Variants in BRINP3 observed in about 807,000 individuals in gnomAD.
The protein encoded by BRINP3 is BMP/retinoic acid-inducible neural-specific protein 3.
BRINP3 carries 19 observed loss-of-function variants against 71.0 expected under a neutral mutation model. That is an observed-to-expected ratio of 0.27 (90% CI 0.19 to 0.39). BRINP3 has a LOEUF of 0.39. Ranked by LOEUF, BRINP3 falls within the 10% of genes least tolerant of loss-of-function variation. BRINP3 has a pLI of 1.00. For synonymous variants in BRINP3, 380 were observed against 337.7 expected, an observed-to-expected ratio of 1.13 and a Z score of -1.37; for missense variants, 959 against 940.8, an observed-to-expected ratio of 1.02 and a Z score of -0.25.
chr1:190,151,141 A>C (rs779861611), intron 7 of BRINP3, among the ~76,000 whole-genome samples: 2 of 152,114 alleles, frequency 1.3e-5, no homozygotes, highest in South Asian at 4.1e-4. Context: ...AGCAAGACTC[A>C]GTCTCAAAAA....
At chr1:190,158,032 T>G (rs545378838) in intron 7 of BRINP3, among the ~76,000 whole-genome samples, 40 of 152,220 alleles carry the variant, frequency 2.6e-4, no homozygotes, top group Non-Finnish European at 4.7e-4. Flanking sequence ...AATTAATGTG[T>G]GTACTTATTT....
At chr1:190,352,839 T>TTCTCTC (rs35659970) in intron 2 of BRINP3, among the ~76,000 whole-genome samples, 13 of 146,384 alleles carry the variant, frequency 8.9e-5, no homozygotes, top group East Asian at 2.0e-4. Context: ...GCAACAGATA[T>TTCTCTC]TCTCTCTCTC....
intron 7 of BRINP3, among the ~76,000 whole-genome samples, chr1:190,099,395 T>A (rs1295786575): frequency 6.6e-6 from 1 of 152,126 alleles, no homozygotes; most frequent in African/African-American, 2.4e-5. Flanking sequence ...TGGTCTGAAC[T>A]GCAATACATT....
intron 2 of BRINP3, among the ~76,000 whole-genome samples, chr1:190,292,153 C>T (rs1208014035): frequency 6.6e-6 from 1 of 151,900 alleles, no homozygotes; most frequent in East Asian, 1.9e-4. Context: ...GGATATGGAG[C>T]CATGGGAGGG....
intron 2 of BRINP3, among the ~76,000 whole-genome samples, chr1:190,317,075 G>A (rs1247687537): frequency 6.7e-6 from 1 of 149,154 alleles, no homozygotes; most frequent in African/African-American, 2.5e-5. Context: ...GGGAGGCTGA[G>A]ATGGGAGAAT....
rs1277427045 is a variant in BRINP3 at position 190,412,451 on chromosome 1, GTTTTGTTTTT to G, written c.236+42194_236+42203del. On this transcript the variant is annotated intron_variant, in intron 2 of 7. Coordinates refer to ENST00000367462, the MANE Select transcript of BRINP3 (RefSeq NM_199051.3). ...TACTATGTAGTACTTTTTTTGTTTT[GTTTTGTTTTT>G]TTTTGTTTTTTTTTTTTTTGAGACG... Among the ~76,000 whole-genome samples the G allele has an allele frequency of 2.2e-4, 28 of 126,192 alleles. No homozygotes were observed. In the East Asian group the frequency reaches 2.7e-3, roughly 12 times the overall value. 82.8% of individuals were successfully genotyped at this position (126,192 alleles called of 152,430 possible). A position where few individuals can be genotyped will look rare whatever the true frequency, so the allele number is the denominator to read the frequency against.
rs397862994 is a variant in BRINP3 at position 190,317,171 on chromosome 1, C to CA, written c.237-35422dup. 2.6e-3 allele frequency among the ~76,000 whole-genome samples: 197 copies of CA among 77,140 alleles called. 1 individual carries two copies. Among genetic ancestry groups the CA allele is most frequent in the African/African-American group, 8.1e-3 (178 of 22,056 alleles). 50.6% of individuals were successfully genotyped at this position (77,140 alleles called of 152,430 possible). On this transcript the variant is annotated intron_variant, in intron 2 of 7. Transcript: ENST00000367462. ...TGGGTGGCTGAGCGAGAGTCCATCT[C>CA]AAAAAAAAAAAAAAAAAAAAAGTCT... is the stretch of plus-strand genomic sequence containing the variant.
At chr1:190,330,024 T>A (rs531637757) in intron 2 of BRINP3, among the ~76,000 whole-genome samples, 15 of 151,906 alleles carry the variant, frequency 9.9e-5, no homozygotes, top group African/African-American at 3.6e-4. Context: ...TCTAAAACTA[T>A]AAGAATCCTT....
chr1:190,372,914 T>G (rs1669953530), intron 2 of BRINP3, among the ~76,000 whole-genome samples: 1 of 152,086 alleles, frequency 6.6e-6, no homozygotes, highest in African/African-American at 2.4e-5. Flanking sequence ...AAATAAAATA[T>G]TAGAGAATAA....
chr1:190,264,813 T>G (rs964197385), intron 4 of BRINP3, 52 bp downstream of exon 4: 1 of 1,491,618 alleles, frequency 6.7e-7, no homozygotes, highest in Non-Finnish European at 9.2e-7. Context: ...CTTTTGGATA[T>G]AGAGGAAACA....
intron 2 of BRINP3, among the ~76,000 whole-genome samples, chr1:190,393,076 C>G (rs537425940): frequency 6.6e-6 from 1 of 151,524 alleles, no homozygotes; most frequent in African/African-American, 2.4e-5. Context: ...ATATTAAGGG[C>G]ATGTATCTAG....
intron 7 of BRINP3, among the ~76,000 whole-genome samples, chr1:190,155,040 G>A (rs1045266260): frequency 3.3e-5 from 5 of 152,088 alleles, no homozygotes; most frequent in Non-Finnish European, 7.4e-5. Context: ...TTTCTAAAAT[G>A]TAAAGGCTTT....
intron 2 of BRINP3, among the ~76,000 whole-genome samples, chr1:190,315,211 A>G (rs1665800943): frequency 6.6e-6 from 1 of 152,136 alleles, no homozygotes; most frequent in South Asian, 2.1e-4. Flanking sequence ...TATACAGGAA[A>G]CAGGGAGGAC....
intron 1 of BRINP3, among the ~76,000 whole-genome samples, chr1:190,462,292 A>T (rs1411891078): frequency 6.6e-6 from 1 of 152,166 alleles, no homozygotes; most frequent in African/African-American, 2.4e-5. Context: ...CTTTGGACAT[A>T]ACAATAAGAG....
intron 2 of BRINP3, among the ~76,000 whole-genome samples, chr1:190,287,742 T>C (rs1333633039): frequency 1.3e-5 from 2 of 152,156 alleles, no homozygotes; most frequent in Non-Finnish European, 2.9e-5. Context: ...TGTAACCTCA[T>C]GACTATCATT....
At chr1:190,343,212 A>C (rs897227588) in intron 2 of BRINP3, among the ~76,000 whole-genome samples, 1 of 151,884 alleles carries the variant, frequency 6.6e-6, no homozygotes. Context: ...GAGTGAATTA[A>C]AAAGTTGACA....
chr1:190,287,860 C>A lies in BRINP3; in HGVS notation c.237-6110G>T, dbSNP rs529688455. Among the ~76,000 whole-genome samples, 8 of 145,690 alleles carry A rather than the reference C, an allele frequency of 5.5e-5. No individual in the cohort carries two copies. In the South Asian group the frequency reaches 1.3e-3, roughly 24 times the overall value. On this transcript the variant is annotated intron_variant, in intron 2 of 7. Coordinates refer to ENST00000367462, the MANE Select transcript of BRINP3 (RefSeq NM_199051.3). ...TTTTAAAATATGTTATATTTTAGGGCTTTGAAATTACTGAAAATAATTTAA... is the reference window on the plus strand; with the variant it reads ...TTTTAAAATATGTTATATTTTAGGGATTTGAAATTACTGAAAATAATTTAA...
chr1:190,290,795 G>A (rs1663802695), intron 2 of BRINP3, among the ~76,000 whole-genome samples: 1 of 151,932 alleles, frequency 6.6e-6, no homozygotes. Context: ...TGAATCTAGG[G>A]GGTGAGACCT....
At position 190,098,641 on chromosome 1, in the gene BRINP3, T is replaced by A. The variant is rs1409594590; in HGVS notation, c.1678A>T (p.Thr560Ser). ...ACTGGCTCCAAGGTGCTGTTTTTAG[T>A]TAAGCAAATCTGTAAAGAGAGACCC... ...ILGLSLQICLTKNSTLEPVLA... is the reference protein window; with the variant it reads ...ILGLSLQICLSKNSTLEPVLA... Residue 560 changes from threonine (T) to serine (S), a missense_variant, in exon 8 of 8, where the codon ACT becomes TCT. Transcript: ENST00000367462. 5.6e-6 allele frequency: 9 copies of A among 1,614,170 alleles called. No individual in the cohort carries two copies. The highest frequency in any genetic ancestry group is 7.6e-6 in the Non-Finnish European group (9 of 1,180,030).
Sources: gnomAD v4.1 joint callset for allele counts (sites outside exome capture counted in the v4.1 genomes callset) on GRCh38, gnomAD v4.1.1 for gene constraint, MANE v1.5 for transcripts, NCBI Gene and HGNC (gene_info 2026-07-23, HGNC 2026-07-21) for gene names.